ZNF841: variants seen among roughly 807,000 people sequenced by gnomAD.
ZNF841 encodes TCONS_00006091.
ZNF841 carries 11 observed loss-of-function variants against 13.0 expected under a neutral mutation model. That is an observed-to-expected ratio of 0.85 (90% CI 0.53 to 1.40). ZNF841 has a LOEUF of 1.40. ZNF841 is among the 40% of genes most tolerant of loss of function. ZNF841 has a pLI of 0.00. For synonymous variants in ZNF841, 369 were observed against 381.6 expected (o/e 0.97, Z 0.38); for missense variants, 1,068 against 1,139.5 (o/e 0.94, Z 0.90).
At chr19:52,084,546 T>C (rs1359224218) in intron 4 of ZNF841, among the ~76,000 whole-genome samples, 2 of 152,196 alleles carry the variant, frequency 1.3e-5, no homozygotes, top group African/African-American at 2.4e-5. Flanking sequence ...TCTCCATCCA[T>C]GTCTGGGTGT....
Position 52,065,846 on chromosome 19 carries a change from T to C in ZNF841, c.2036A>G (p.Asn679Ser). 6.2e-7 allele frequency: 1 copy of C among 1,614,008 alleles called. No homozygotes were observed. The highest frequency in any genetic ancestry group is 8.5e-7 in the Non-Finnish European group (1 of 1,179,890). ...ACCAAATTCATTACAGTGGTAAGGG[T>C]TCTCTCCAGTATGAATTACCAGATG... is the stretch of plus-strand genomic sequence containing the variant. ...TKHLVIHTGENPYHCNEFGEA... is the reference protein window; with the variant it reads ...TKHLVIHTGESPYHCNEFGEA... The change falls in exon 7 of 7, where the codon AAC becomes AGC. Residue 679 changes from asparagine to serine, a missense_variant. Coordinates refer to ENST00000594440, the MANE Select transcript of ZNF841 (RefSeq NM_001136499.2).
intron 2 of ZNF841, among the ~76,000 whole-genome samples, chr19:52,092,425 A>C (rs2088526704): frequency 6.6e-6 from 1 of 152,182 alleles, no homozygotes; most frequent in South Asian, 2.1e-4. Context: ...AGGAATGCTA[A>C]TCAAAACCAC....
At chr19:52,079,431 TAAAAA>T (rs35306980) in intron 4 of ZNF841, among the ~76,000 whole-genome samples, 1 of 83,204 alleles carries the variant, frequency 1.2e-5, no homozygotes, top group Non-Finnish European at 2.5e-5. Flanking sequence ...AGGAAATCTG[TAAAAA>T]AAAAAAAAAA....
rs2087894893 is a variant in ZNF841 at position 52,076,168 on chromosome 19, G to A, written c.147C>T (p.Leu49=). ...AGATAATATTCAGGTCAGGAAGACAGAGTCCTGCTTATAAAAAAAGAAAGA... is the reference window on the plus strand; with the variant it reads ...AGATAATATTCAGGTCAGGAAGACAAAGTCCTGCTTATAAAAAAAGAAAGA... ...ENYRNLGFLG[L]CLPDLNIISM... Residue 49 remains leucine, a synonymous_variant, in exon 6 of 7, where the codon CTC becomes CTT. Coordinates refer to ENST00000594440, the MANE Select transcript of ZNF841 (RefSeq NM_001136499.2). The A allele has an allele frequency of 3.2e-6, 5 of 1,552,914 alleles. No homozygotes were observed. Among genetic ancestry groups the A allele is most frequent in the Non-Finnish European group, 4.4e-6 (5 of 1,147,744 alleles).
At chr19:52,087,284 G>A (rs1179005418) in intron 3 of ZNF841, among the ~76,000 whole-genome samples, 3 of 152,190 alleles carry the variant, frequency 2.0e-5, no homozygotes, top group Non-Finnish European at 4.4e-5. Flanking sequence ...GGGTCATGGG[G>A]ATGTGTTGTA....
Position 52,065,037 on chromosome 19 carries a change from G to A in ZNF841, c.*70C>T. Reference sequence around the variant, plus strand: ...ACTAGGCTCCACCTCCAATACTGGAGATTACTACAATTCCACATGAGACTT... The same window carrying A: ...ACTAGGCTCCACCTCCAATACTGGAAATTACTACAATTCCACATGAGACTT... On this transcript the variant is annotated 3_prime_UTR_variant, in exon 7 of 7. Transcript: ENST00000594440. 7.4e-7 allele frequency: 1 copy of A among 1,347,706 alleles called. No homozygotes were observed. Among genetic ancestry groups the A allele is most frequent in the South Asian group, 1.7e-5 (1 of 60,238 alleles). The allele number at this position is 1,347,706 out of a possible 1,614,324, so 83.5% of individuals were successfully genotyped here.
chr19:52,064,992 C>G lies in ZNF841; in HGVS notation c.*115G>C. On this transcript the variant is annotated 3_prime_UTR_variant, in exon 7 of 7. Transcript: ENST00000594440. ...TAAAACTTTCTTGAGAAAGCCACCC[C>G]CATCATCCAATCACCTCCCACTAGG... The G allele has an allele frequency of 2.2e-6, 2 of 924,954 alleles. No individual in the cohort carries two copies. The highest frequency in any genetic ancestry group is 2.2e-5 in the South Asian group (1 of 45,144). The allele number at this position is 924,954 out of a possible 1,614,324, so 57.3% of individuals were successfully genotyped here. A position where few individuals can be genotyped will look rare whatever the true frequency, so the allele number is the denominator to read the frequency against.
chr19:52,066,079 C>G lies in ZNF841; in HGVS notation c.1803G>C (p.Val601=), dbSNP rs1252255942. 1.2e-6 allele frequency: 2 copies of G among 1,613,126 alleles called. No individual in the cohort carries two copies. Among genetic ancestry groups the G allele is most frequent in the African/African-American group, 2.7e-5 (2 of 74,608 alleles). Reference sequence around the variant, plus strand: ...CACTGTCAATGAAGACCTTGCCACACACATTACATTTGTAAGGTTTCTCTC... The same window carrying G: ...CACTGTCAATGAAGACCTTGCCACAGACATTACATTTGTAAGGTTTCTCTC... ...HTGEKPYKCN[V]CGKVFIDSGN... The change falls in exon 7 of 7, where the codon GTG becomes GTC. Residue 601 remains valine, a synonymous_variant. Transcript: ENST00000594440.
At chr19:52,094,688 T>C (rs990572026) in intron 1 of ZNF841, among the ~76,000 whole-genome samples, 12 of 151,912 alleles carry the variant, frequency 7.9e-5, no homozygotes, top group African/African-American at 2.4e-4. Flanking sequence ...TCTACTCTGC[T>C]TGTCACCCAC....
At chr19:52,084,451 C>A (rs2123338827) in intron 4 of ZNF841, among the ~76,000 whole-genome samples, 2 of 152,290 alleles carry the variant, frequency 1.3e-5, no homozygotes, top group Middle Eastern at 3.4e-3. Context: ...TACTCCTGGT[C>A]TACTGAGAGC....
chr19:52,069,421 T>A (rs1356165592), intron 6 of ZNF841, among the ~76,000 whole-genome samples: 1 of 152,256 alleles, frequency 6.6e-6, no homozygotes, highest in East Asian at 1.9e-4. Flanking sequence ...AAAATATATA[T>A]GATACAGAGA....
At chr19:52,086,594 G>A (rs9304721) in intron 3 of ZNF841, among the ~76,000 whole-genome samples, 1,737 of 152,258 alleles carry the variant, frequency 0.011, 36 homozygotes, top group African/African-American at 0.039. Context: ...TAATACAGTG[G>A]GGTTTAAATT....
downstream of ZNF841, among the ~76,000 whole-genome samples, chr19:52,062,625 G>A (rs2087423123): frequency 6.6e-6 from 1 of 152,122 alleles, no homozygotes; most frequent in Admixed American, 6.5e-5. Flanking sequence ...TCATACTTTA[G>A]GATGAAGGTC....
downstream of ZNF841, chr19:52,064,353 C>CAAAAAAAAAAAA (rs56135758): frequency 3.7e-4 from 13 of 35,450 alleles, 3 homozygotes; most frequent in Non-Finnish European, 5.7e-4. Context: ...ACTCCGTCTC[C>CAAAAAAAAAAAA]AAAAAAAAAA....
intron 4 of ZNF841, among the ~76,000 whole-genome samples, chr19:52,078,906 T>C (rs1309788008): frequency 1.3e-5 from 2 of 152,134 alleles, no homozygotes; most frequent in Admixed American, 6.5e-5. Flanking sequence ...AACCAAAGCA[T>C]ACAAACATTT....
downstream of ZNF841, chr19:52,064,381 A>AAAAAAAC (rs2087469828): frequency 2.2e-5 from 3 of 135,986 alleles, no homozygotes; most frequent in African/African-American, 7.0e-5. Context: ...AAAAAAAAAA[A>AAAAAAAC]AAAAAAAACT....
At chr19:52,081,137 T>C (rs1442426873) in intron 4 of ZNF841, among the ~76,000 whole-genome samples, 1 of 152,218 alleles carries the variant, frequency 6.6e-6, no homozygotes, top group Non-Finnish European at 1.5e-5. Context: ...AAGTCCCTTA[T>C]ATAAAAAGGC....
At chr19:52,076,003 T>C (rs971601927) in intron 6 of ZNF841, 41 bp downstream of exon 6, 3 of 1,548,730 alleles carry the variant, frequency 1.9e-6, no homozygotes, top group Non-Finnish European at 2.6e-6. Context: ...ACGCACACAA[T>C]TTCATGGTAC....
intron 3 of ZNF841, among the ~76,000 whole-genome samples, chr19:52,087,716 T>C (rs1390754432): frequency 1.3e-5 from 2 of 151,912 alleles, no homozygotes; most frequent in Non-Finnish European, 2.9e-5. Context: ...CCCGGCGCGG[T>C]GGCTCACACT....
Sources: gnomAD v4.1 joint callset for allele counts (sites outside exome capture counted in the v4.1 genomes callset) on GRCh38, gnomAD v4.1.1 for gene constraint, MANE v1.5 for transcripts, NCBI Gene and HGNC (gene_info 2026-07-23, HGNC 2026-07-21) for gene names.